The following EEFSEC variants were observed in gnomAD, a reference collection of about 807,000 sequenced individuals.
The protein encoded by EEFSEC is selenocysteine-specific elongation factor.
Under a neutral mutation model 42.1 loss-of-function variants are expected in EEFSEC, and 43 were observed. The observed-to-expected ratio is 1.02, with a 90% CI of 0.80 to 1.32. EEFSEC has a LOEUF of 1.32. Among genes scored for constraint, EEFSEC ranks in the 40% most tolerant of loss-of-function variants. The pLI, the probability that EEFSEC is intolerant of heterozygous loss-of-function variation, is 0.00. For missense variants in EEFSEC, 745 were observed against 803.6 expected (o/e 0.93, Z 0.88); for synonymous variants, 354 against 339.1 (o/e 1.04, Z -0.48).
At chr3:128,370,542 C>G (rs890308756) in intron 6 of EEFSEC, among the ~76,000 whole-genome samples, 1 of 152,184 alleles carries the variant, frequency 6.6e-6, no homozygotes, top group Non-Finnish European at 1.5e-5. Flanking sequence ...TATCCTACCC[C>G]TCTCCCATAT....
intron 6 of EEFSEC, among the ~76,000 whole-genome samples, chr3:128,405,112 G>A (rs1187732293): frequency 6.6e-6 from 1 of 151,732 alleles, no homozygotes; most frequent in Non-Finnish European, 1.5e-5. Context: ...CACCTCCCTG[G>A]TTCATGCCAT....
intron 6 of EEFSEC, among the ~76,000 whole-genome samples, chr3:128,366,766 A>G (rs2067595298): frequency 6.6e-6 from 1 of 152,084 alleles, no homozygotes; most frequent in South Asian, 2.1e-4. Flanking sequence ...CCTCTGTTCA[A>G]CAGTGTGCTT....
At chr3:128,369,042 G>A (rs1448699961) in intron 6 of EEFSEC, among the ~76,000 whole-genome samples, 3 of 152,222 alleles carry the variant, frequency 2.0e-5, no homozygotes, top group African/African-American at 2.4e-5. Context: ...GGTCCTTAAT[G>A]TGCCGTCTCT....
chr3:128,334,722 G>A (rs2067171272), intron 4 of EEFSEC, among the ~76,000 whole-genome samples: 1 of 152,242 alleles, frequency 6.6e-6, no homozygotes, highest in Non-Finnish European at 1.5e-5. Context: ...CTTGTTTGAT[G>A]TGTTCCTCCC....
At chr3:128,222,345 T>C (rs1205667797) in intron 1 of EEFSEC, among the ~76,000 whole-genome samples, 1 of 152,212 alleles carries the variant, frequency 6.6e-6, no homozygotes, top group Admixed American at 6.5e-5. Context: ...AAGTATTTTT[T>C]TTTACTATAG....
chr3:128,176,871 A>G (rs2065353335), intron 1 of EEFSEC, among the ~76,000 whole-genome samples: 1 of 152,118 alleles, frequency 6.6e-6, no homozygotes. Context: ...CCACTATTTT[A>G]CTACTGATAA....
chr3:128,158,528 G>C (rs914618873), intron 1 of EEFSEC, among the ~76,000 whole-genome samples: 1 of 152,114 alleles, frequency 6.6e-6, no homozygotes, highest in Non-Finnish European at 1.5e-5. Flanking sequence ...CTGATCAGTC[G>C]GCAACCATCA....
chr3:128,178,584 A>G lies in EEFSEC; in HGVS notation c.316+24761A>G, dbSNP rs199867750. On this transcript the variant is annotated intron_variant, in intron 1 of 6. Coordinates refer to ENST00000254730, the MANE Select transcript of EEFSEC (RefSeq NM_021937.5). ...TTGGTAGAAGTAATATATAAAACCC[A>G]AGGACAAAATGGCACTTTGTTTTTT... Among the ~76,000 whole-genome samples the G allele has an allele frequency of 4.3e-4, 65 of 152,340 alleles. 1 individual carries two copies. In the East Asian group the frequency reaches 8.1e-3, roughly 19 times the overall value.
chr3:128,424,955 G>A, the EEFSEC span, among the ~76,000 whole-genome samples: 2 of 152,132 alleles, frequency 1.3e-5, no homozygotes, highest in African/African-American at 4.8e-5. Context: ...CAGTGGCGGG[G>A]TGGTCAGGGC....
intron 3 of EEFSEC, among the ~76,000 whole-genome samples, chr3:128,263,802 G>A (rs1002345534): frequency 6.6e-6 from 1 of 152,188 alleles, no homozygotes; most frequent in Non-Finnish European, 1.5e-5. Context: ...AGCATCTCCC[G>A]GCACACAGGT....
chr3:128,238,617 C>T (rs1017750742), intron 1 of EEFSEC, among the ~76,000 whole-genome samples: 3 of 152,158 alleles, frequency 2.0e-5, no homozygotes, highest in African/African-American at 7.2e-5. Context: ...AAGTAATTCT[C>T]GTGTCTCAGC....
At chr3:128,236,970 G>A (rs1337584168) in intron 1 of EEFSEC, among the ~76,000 whole-genome samples, 3 of 152,248 alleles carry the variant, frequency 2.0e-5, no homozygotes. Flanking sequence ...GCAAGGGGTA[G>A]GGACTGTTGT....
chr3:128,284,158 A>G (rs1185983508), intron 4 of EEFSEC, among the ~76,000 whole-genome samples: 1 of 152,192 alleles, frequency 6.6e-6, no homozygotes, highest in Non-Finnish European at 1.5e-5. Context: ...CTCCTCTTTC[A>G]ATAATGAAGA....
At chr3:128,334,516 A>G (rs980150603) in intron 4 of EEFSEC, among the ~76,000 whole-genome samples, 1 of 152,236 alleles carries the variant, frequency 6.6e-6, no homozygotes, top group South Asian at 2.1e-4. Flanking sequence ...CCCAAGTCTC[A>G]GCCTATTTGT....
chr3:128,292,211 A>G (rs1042731677), intron 4 of EEFSEC, among the ~76,000 whole-genome samples: 3 of 151,866 alleles, frequency 2.0e-5, no homozygotes, highest in African/African-American at 7.2e-5. Flanking sequence ...ATATTGCTGG[A>G]TTTTGATTTT....
chr3:128,248,331 T>A (rs1238656841), intron 2 of EEFSEC, among the ~76,000 whole-genome samples: 2 of 152,216 alleles, frequency 1.3e-5, no homozygotes, highest in Non-Finnish European at 2.9e-5. Flanking sequence ...TCATAAAGAT[T>A]GATATGCCTT....
chr3:128,231,637 C>T (rs896041170), intron 1 of EEFSEC, among the ~76,000 whole-genome samples: 4 of 152,150 alleles, frequency 2.6e-5, no homozygotes, highest in Admixed American at 1.3e-4. Context: ...GTGCCCTGAG[C>T]CCTTTCCTGT....
intron 1 of EEFSEC, among the ~76,000 whole-genome samples, chr3:128,216,920 T>TCATA (rs2065816219): frequency 6.6e-6 from 1 of 151,786 alleles, no homozygotes; most frequent in Non-Finnish European, 1.5e-5. Flanking sequence ...TTCAGATACT[T>TCATA]GACCTCATAG....
At position 128,153,632 on chromosome 3, in the gene EEFSEC, G is replaced by A; in HGVS notation, c.125G>A (p.Ser42Asn). ...GCCGCCTTTGACAAGCAGCCGCAGA[G>A]CCGCGAGCGCGGCATCACGCTCGAT... ...STAAFDKQPQ[S>N]RERGITLDLG... The change falls in exon 1 of 7, where the codon AGC (serine) becomes AAC (asparagine). Residue 42 changes from serine to asparagine, a missense_variant. Transcript: ENST00000254730. 2 of 1,598,052 alleles carry A rather than the reference G, an allele frequency of 1.3e-6. No individual in the cohort carries two copies. The highest frequency in any genetic ancestry group is 1.1e-5 in the South Asian group (1 of 90,240).
Sources: allele counts gnomAD v4.1 joint callset (sites outside exome capture counted in the v4.1 genomes callset), GRCh38; gene constraint gnomAD v4.1.1; transcripts MANE v1.5; gene names NCBI Gene and HGNC (gene_info 2026-07-23, HGNC 2026-07-21).